Variants in CLNK observed in about 807,000 individuals in gnomAD.
CLNK encodes the protein cytokine dependent hematopoietic cell linker.
Under a neutral mutation model 68.6 loss-of-function variants are expected in CLNK, and 74 were observed. That is an observed-to-expected ratio of 1.08 (90% CI 0.89 to 1.31). The LOEUF is 1.31. Among genes scored for constraint, CLNK ranks in the 50% most tolerant of loss-of-function variants. The pLI is 0.00. For synonymous variants in CLNK, 198 were observed against 172.2 expected (o/e 1.15, Z -1.17); for missense variants, 553 against 515.3 (o/e 1.07, Z -0.71).
intron 2 of CLNK, among the ~76,000 whole-genome samples, chr4:10,653,523 A>C (rs1288817081): frequency 6.6e-6 from 1 of 152,216 alleles, no homozygotes; most frequent in Non-Finnish European, 1.5e-5. Flanking sequence ...CAAAGAATAA[A>C]TAATAATGGG....
At chr4:10,612,161 C>A (rs1280780417) in intron 2 of CLNK, among the ~76,000 whole-genome samples, 1 of 152,292 alleles carries the variant, frequency 6.6e-6, no homozygotes, top group Admixed American at 6.5e-5. Context: ...AGAAACCTAC[C>A]CACATCTCTC....
At chr4:10,683,561 A>G (rs866217314) in intron 1 of CLNK, among the ~76,000 whole-genome samples, 1 of 152,194 alleles carries the variant, frequency 6.6e-6, no homozygotes, top group African/African-American at 2.4e-5. Context: ...CCTTGCACAT[A>G]TTACTTAGAG....
intron 2 of CLNK, among the ~76,000 whole-genome samples, chr4:10,647,124 C>T (rs1723543267): frequency 6.6e-6 from 1 of 152,194 alleles, no homozygotes; most frequent in Non-Finnish European, 1.5e-5. Flanking sequence ...TCATTAACCC[C>T]TACTAAGTGG....
chr4:10,727,356 A>T, the CLNK span, among the ~76,000 whole-genome samples: 1 of 152,210 alleles, frequency 6.6e-6, no homozygotes, highest in Non-Finnish European at 1.5e-5. Flanking sequence ...ACACAAGGCC[A>T]CTGAAAGATC....
chr4:10,657,182 C>T, intron 2 of CLNK, among the ~76,000 whole-genome samples: 1 of 152,098 alleles, frequency 6.6e-6, no homozygotes, highest in Non-Finnish European at 1.5e-5. Flanking sequence ...AGTCTGGGTG[C>T]AAGATAAAAT....
At position 10,487,947 on chromosome 4, in the gene CLNK, T is replaced by C. The variant is rs1413306713; in HGVS notation, c.*2520A>G. 1 of 152,182 alleles carries C rather than the reference T, an allele frequency of 6.6e-6. No homozygotes were observed. Among genetic ancestry groups the C allele is most frequent in the Non-Finnish European group, 1.5e-5 (1 of 68,038 alleles). The allele number at this position is 152,182 out of a possible 1,614,324, so 9.4% of individuals were successfully genotyped here. A position where few individuals can be genotyped will look rare whatever the true frequency, so the allele number is the denominator to read the frequency against. ...CAATCAGTGTTTGCACTTCTAACTT[T>C]GTCCTGGTGTCTGAGTTCTAGAAAA... On this transcript the variant is annotated 3_prime_UTR_variant, in exon 19 of 19. Coordinates refer to ENST00000226951, the MANE Select transcript of CLNK (RefSeq NM_052964.4).
intron 2 of CLNK, among the ~76,000 whole-genome samples, chr4:10,645,720 G>C (rs571375847): frequency 6.0e-4 from 92 of 152,208 alleles, no homozygotes; most frequent in Non-Finnish European, 1.1e-3. Flanking sequence ...GTTGGTTAAT[G>C]GGTACAAAAA....
chr4:10,635,981 C>T (rs1177152693), intron 2 of CLNK: 1 of 152,188 alleles, frequency 6.6e-6, no homozygotes, highest in Non-Finnish European at 1.5e-5. Flanking sequence ...GAGAGATGTG[C>T]AAACCACTAA....
intron 2 of CLNK, among the ~76,000 whole-genome samples, chr4:10,659,955 T>C (rs1272597613): frequency 6.6e-6 from 1 of 152,244 alleles, no homozygotes; most frequent in Non-Finnish European, 1.5e-5. Context: ...ATGTCTCATC[T>C]GTAGGGGAAT....
At position 10,610,030 on chromosome 4, in the gene CLNK, CTCGTTTTTTTTTT is replaced by C. The variant is rs1560240491; in HGVS notation, c.12-11994_12-11982del. Reference sequence around the variant, plus strand: ...TCGTTATGTGCCTTTTAAATGAATGCTCGTTTTTTTTTTTTTTTTTTTTTTTTTTTTTTTTTTT... The same window carrying C: ...TCGTTATGTGCCTTTTAAATGAATGCTTTTTTTTTTTTTTTTTTTTTTTTT... On this transcript the variant is annotated intron_variant, in intron 2 of 18. Coordinates refer to ENST00000226951, the MANE Select transcript of CLNK (RefSeq NM_052964.4). Among the ~76,000 whole-genome samples, 25 of 126,500 alleles carry C rather than the reference CTCGTTTTTTTTTT, an allele frequency of 2.0e-4. 2 individuals are homozygous for C. Among genetic ancestry groups the C allele is most frequent in the African/African-American group, 6.8e-4 (22 of 32,532 alleles). 83.0% of individuals were successfully genotyped at this position (126,500 alleles called of 152,430 possible).
chr4:10,527,441 T>A (rs1718362457), intron 13 of CLNK, among the ~76,000 whole-genome samples: 1 of 152,238 alleles, frequency 6.6e-6, no homozygotes, highest in Admixed American at 6.5e-5. Flanking sequence ...GGCAGGCCTC[T>A]GAAATCCTAA....
chr4:10,685,953 C>G (rs1560279330), upstream of CLNK, among the ~76,000 whole-genome samples: 2 of 152,188 alleles, frequency 1.3e-5, no homozygotes, highest in African/African-American at 4.8e-5. Context: ...TTGCTCACTT[C>G]TTTTGGTCTG....
At chr4:10,656,487 A>C (rs1011751602) in intron 2 of CLNK, 2 of 152,168 alleles carry the variant, frequency 1.3e-5, no homozygotes, top group Admixed American at 6.5e-5. Context: ...ATAGTCAAAA[A>C]ATACAGATTA....
rs373086067 is a variant in CLNK, at chr4:10,641,448, C to A, written c.11+26411G>T. Among the ~76,000 whole-genome samples the A allele has an allele frequency of 2.0e-5, 3 of 152,288 alleles. No individual in the cohort carries two copies. The East Asian group carries it at 5.8e-4, about 29-fold the overall frequency. ...AGTGAAGGGTAAACTGCAGAAAATACTCTCACTCCAGTGGAGACCCCATTG... is the reference window on the plus strand; with the variant it reads ...AGTGAAGGGTAAACTGCAGAAAATAATCTCACTCCAGTGGAGACCCCATTG... On this transcript the variant is annotated intron_variant, in intron 2 of 18. Coordinates refer to ENST00000226951, the MANE Select transcript of CLNK (RefSeq NM_052964.4).
intron 11 of CLNK, among the ~76,000 whole-genome samples, chr4:10,537,730 T>TCTTTCTTTCTTTCTTTCTTTCTTTCTTC (rs1385874585): frequency 1.5e-5 from 2 of 132,920 alleles, no homozygotes; most frequent in Non-Finnish European, 3.2e-5. Flanking sequence ...TTTCTTTCTT[T>TCTTTCTTTCTTTCTTTCTTTCTTTCTTC]CTTTCTTCCT....
At chr4:10,693,797 G>C in the CLNK span, among the ~76,000 whole-genome samples, 1 of 152,134 alleles carries the variant, frequency 6.6e-6, no homozygotes, top group African/African-American at 2.4e-5. Flanking sequence ...TTAATCCACA[G>C]TGAAACAATT....
At chr4:10,555,318 C>A (rs2108816662) in intron 8 of CLNK, among the ~76,000 whole-genome samples, 1 of 152,244 alleles carries the variant, frequency 6.6e-6, no homozygotes, top group Admixed American at 6.5e-5. Context: ...TGGTTCACAT[C>A]TACGGCAAAG....
intron 2 of CLNK, among the ~76,000 whole-genome samples, chr4:10,607,781 A>C (rs932503925): frequency 6.6e-6 from 1 of 152,232 alleles, no homozygotes; most frequent in Non-Finnish European, 1.5e-5. Flanking sequence ...AATAGGACTG[A>C]GGGCTTGGCT....
chr4:10,654,754 T>G (rs999357498), intron 2 of CLNK, among the ~76,000 whole-genome samples: 1 of 152,066 alleles, frequency 6.6e-6, no homozygotes, highest in African/African-American at 2.4e-5. Flanking sequence ...CATGAAAATA[T>G]GAAATGTTGA....
Sources: gnomAD v4.1 joint callset for allele counts (sites outside exome capture counted in the v4.1 genomes callset) on GRCh38, gnomAD v4.1.1 for gene constraint, MANE v1.5 for transcripts, NCBI Gene and HGNC (gene_info 2026-07-23, HGNC 2026-07-21) for gene names.